NANS: variants seen among roughly 807,000 people sequenced by gnomAD.
NANS encodes N-acetylneuraminate synthase.
Under a neutral mutation model 33.3 loss-of-function variants are expected in NANS, and 29 were observed. The observed-to-expected ratio is 0.87, with a 90% CI of 0.65 to 1.19. The LOEUF (loss-of-function observed/expected upper bound fraction) is 1.19. NANS is among the 50% of genes most tolerant of loss of function. The pLI is 0.00. For synonymous variants in NANS, 163 were observed against 177.2 expected (o/e 0.92, Z 0.64); for missense variants, 394 against 461.1 (o/e 0.85, Z 1.33).
intron 2 of NANS, among the ~76,000 whole-genome samples, chr9:98,063,545 T>A (rs991428165): frequency 6.6e-6 from 1 of 151,742 alleles, no homozygotes; most frequent in Non-Finnish European, 1.5e-5. Context: ...CCTGGCCTAG[T>A]TTTTTTTGTT....
chr9:98,062,927 T>C (rs1384408775), intron 2 of NANS, among the ~76,000 whole-genome samples: 1 of 151,884 alleles, frequency 6.6e-6, no homozygotes, highest in African/African-American at 2.4e-5. Flanking sequence ...TCTTCAATTT[T>C]ATTTTATTTT....
At chr9:98,080,720 G>GT in intron 4 of NANS, 96 bp from the exon 5 acceptor site, 1 of 1,388,954 alleles carries the variant, frequency 7.2e-7, no homozygotes, top group Non-Finnish European at 9.7e-7. Context: ...CAGCTAGTGA[G>GT]TGGCTAAACC....
chr9:98,065,308 C>CT (rs758040892), intron 2 of NANS, among the ~76,000 whole-genome samples: 1,665 of 92,712 alleles, frequency 0.018, 100 homozygotes, highest in African/African-American at 0.037. Context: ...ACTCCTGGTG[C>CT]TTTTTTTTTT....
intron 2 of NANS, among the ~76,000 whole-genome samples, chr9:98,065,483 A>ATTTTTT (rs397837187): frequency 0.028 from 1,616 of 58,534 alleles, 130 homozygotes; most frequent in African/African-American, 0.04. Context: ...TGCCCAGCTA[A>ATTTTTT]TTTTTTTTTT....
Position 98,080,807 on chromosome 9 carries a change from A to T in NANS, c.604-9A>T, listed in dbSNP as rs1455470888. 6.4e-7 allele frequency: 1 copy of T among 1,558,754 alleles called. No individual in the cohort carries two copies. The highest frequency in any genetic ancestry group is 1.2e-5 in the South Asian group (1 of 84,022). On this transcript the variant is annotated splice_polypyrimidine_tract_variant and intron_variant, in intron 4 of 5. Transcript: ENST00000210444. ...TATTTAATGTTATTTTTCTTTTTCC[A>T]TTTTAAAGGAATATCAGAAGCTCTT...
intron 5 of NANS, 37 bp downstream of exon 5, chr9:98,081,119 T>C: frequency 2.5e-6 from 4 of 1,608,994 alleles, no homozygotes; most frequent in Non-Finnish European, 3.4e-6. Context: ...TCTGCTGCCG[T>C]GTGTGGAAAA....
In NANS at chr9:98,061,051, G is replaced by A. The variant is rs889699141; in HGVS notation, c.348+54G>A. On this transcript the variant is annotated intron_variant, in intron 2 of 5. Transcript: ENST00000210444. ...CACTTTAGCAGACCAAGGGTCAGCA[G>A]GCAGCCTGGTGACTTCCGGCTTAGG... is the stretch of plus-strand genomic sequence containing the variant. The A allele has an allele frequency of 4.4e-6, 7 of 1,576,248 alleles. No homozygotes were observed. The South Asian group carries it at 7.8e-5, about 18-fold the overall frequency.
At chr9:98,059,866 G>A (rs924074822) in intron 1 of NANS, among the ~76,000 whole-genome samples, 35 of 152,172 alleles carry the variant, frequency 2.3e-4, no homozygotes, top group South Asian at 2.1e-4. Flanking sequence ...AAAATGTCAT[G>A]GAGAAAAGCG....
At chr9:98,065,913 C>A (rs1400367164) in intron 2 of NANS, among the ~76,000 whole-genome samples, 2 of 152,148 alleles carry the variant, frequency 1.3e-5, no homozygotes, top group East Asian at 3.9e-4. Context: ...TTGCCCCCCA[C>A]CATGATTCTG....
chr9:98,071,019 C>T (rs1327149296), intron 2 of NANS, among the ~76,000 whole-genome samples: 1 of 151,830 alleles, frequency 6.6e-6, no homozygotes, highest in Non-Finnish European at 1.5e-5. Flanking sequence ...CCCTATGTTG[C>T]CCAGGCTGGT....
intron 2 of NANS, chr9:98,076,549 A>G (rs1829600893): frequency 1.0e-5 from 2 of 193,520 alleles, no homozygotes; most frequent in East Asian, 1.8e-4. Context: ...TAATTTTTAT[A>G]TTTTTAGTAG....
At chr9:98,058,048 G>A (rs1587901225) in intron 1 of NANS, among the ~76,000 whole-genome samples, 2 of 146,494 alleles carry the variant, frequency 1.4e-5, no homozygotes, top group Non-Finnish European at 3.0e-5. Flanking sequence ...TCAGCCTCCC[G>A]AGTAGCTGGG....
Position 98,056,869 on chromosome 9 carries a change from A to T in NANS, c.61A>T (p.Ile21Phe). 1 of 1,612,256 alleles carries T rather than the reference A, an allele frequency of 6.2e-7. No homozygotes were observed. Among genetic ancestry groups the T allele is most frequent in the Non-Finnish European group, 8.5e-7 (1 of 1,179,378 alleles). ...RWVGGQHPCF[I>F]IAEIGQNHQG... ...GGTGGGCGGGCAACACCCGTGCTTC[A>T]TCATTGCCGAGATCGGCCAGAACCA... The change falls in exon 1 of 6, where the codon ATC (isoleucine) becomes TTC (phenylalanine). Residue 21 changes from isoleucine to phenylalanine, a missense_variant. By Grantham distance (21) the Ile-to-Phe change is conservative. Transcript: ENST00000210444.
chr9:98,057,171 C>T (rs964612534), intron 1 of NANS, among the ~76,000 whole-genome samples: 5 of 152,360 alleles, frequency 3.3e-5, no homozygotes, highest in South Asian at 2.1e-4. Context: ...GTTTCCTCCC[C>T]GTTCTGGTGC....
intron 1 of NANS, among the ~76,000 whole-genome samples, chr9:98,057,171 C>G (rs964612534): frequency 7.9e-5 from 12 of 152,242 alleles, no homozygotes; most frequent in Admixed American, 3.9e-4. Context: ...GTTTCCTCCC[C>G]GTTCTGGTGC....
intron 3 of NANS, chr9:98,077,981 ACT>A (rs1197535807): frequency 5.0e-6 from 3 of 602,184 alleles, no homozygotes; most frequent in Non-Finnish European, 8.6e-6. Context: ...GCTCAAGAAC[ACT>A]GTCGGGGGGC....
intron 2 of NANS, among the ~76,000 whole-genome samples, chr9:98,068,361 A>G (rs1035294217): frequency 1.6e-4 from 25 of 152,004 alleles, no homozygotes; most frequent in Non-Finnish European, 3.2e-4. Context: ...GCTGGTCTCG[A>G]ACTCCTGATC....
intron 3 of NANS, 91 bp downstream of exon 3, chr9:98,077,108 A>C: frequency 1.1e-6 from 1 of 926,140 alleles, no homozygotes; most frequent in Non-Finnish European, 1.6e-6. Flanking sequence ...AGCAGATTTC[A>C]TGAAGACAAA....
At chr9:98,075,420 G>A (rs1474830029) in intron 2 of NANS, 1 of 148,672 alleles carries the variant, frequency 6.7e-6, no homozygotes, top group Non-Finnish European at 1.5e-5. Flanking sequence ...GAAAGGGAGA[G>A]AGGGAGGGAA....
Sources: gnomAD v4.1 joint callset for allele counts (sites outside exome capture counted in the v4.1 genomes callset) on GRCh38, gnomAD v4.1.1 for gene constraint, MANE v1.5 for transcripts, NCBI Gene and HGNC (gene_info 2026-07-23, HGNC 2026-07-21) for gene names.